Variants in ERP44 observed in about 807,000 individuals in gnomAD.
The protein encoded by ERP44 is endoplasmic reticulum resident protein 44.
Under a neutral mutation model 53.4 loss-of-function variants are expected in ERP44, and 25 were observed. The ratio of observed to expected loss-of-function variants is 0.47; its 90% CI spans 0.34 to 0.65. ERP44 has a LOEUF of 0.65. Among genes scored for constraint, ERP44 ranks in the 30% least tolerant of loss-of-function variants. The probability of loss-of-function intolerance (pLI) is 0.01; values close to 1 mark genes in which losing one functional copy is unlikely to be tolerated. For synonymous variants in ERP44, 145 were observed against 161.2 expected, an observed-to-expected ratio of 0.90 and a Z score of 0.76; for missense variants, 338 against 493.2, an observed-to-expected ratio of 0.69 and a Z score of 2.98.
intron 8 of ERP44, 103 bp from the exon 9 acceptor site, chr9:100,007,792 G>T: frequency 1.4e-6 from 1 of 714,148 alleles, no homozygotes; most frequent in Non-Finnish European, 2.5e-6. Context: ...TAATGCAATA[G>T]TTGCAATATC....
At position 100,007,609 on chromosome 9, in the gene ERP44, A is replaced by G. The variant is rs1390391633; in HGVS notation, c.843T>C (p.Asn281=). The G allele has an allele frequency of 1.3e-6, 2 of 1,588,424 alleles. No individual in the cohort carries two copies. The highest frequency in any genetic ancestry group is 8.6e-7 in the Non-Finnish European group (1 of 1,156,556). Residue 281 remains asparagine (N), a synonymous_variant, in exon 9 of 12, where the codon AAT becomes AAC. Coordinates refer to ENST00000262455, the MANE Select transcript of ERP44 (RefSeq NM_015051.3). ...EDTESLEIFQ[N]EVARQLISEK... is the part of the protein sequence containing the mutation. ...CACTTATTAATTGCCGAGCTACTTCATTCTGGAATATTTCTAAACTTTCTG... is the reference window on the plus strand; with the variant it reads ...CACTTATTAATTGCCGAGCTACTTCGTTCTGGAATATTTCTAAACTTTCTG...
At chr9:100,077,214 T>C (rs1826367576) in intron 1 of ERP44, among the ~76,000 whole-genome samples, 1 of 152,204 alleles carries the variant, frequency 6.6e-6, no homozygotes, top group Non-Finnish European at 1.5e-5. Context: ...AGGCATGCCT[T>C]ATCCACTGTC....
At chr9:100,053,418 T>C (rs902283573) in intron 3 of ERP44, among the ~76,000 whole-genome samples, 3 of 152,224 alleles carry the variant, frequency 2.0e-5, no homozygotes, top group African/African-American at 7.2e-5. Flanking sequence ...TACAGTCATG[T>C]GGTGTTTAAC....
Position 99,998,829 on chromosome 9 carries a change from T to A in ERP44, c.1016+7677A>T, listed in dbSNP as rs1830344019. On this transcript the variant is annotated intron_variant, in intron 10 of 11. Coordinates refer to ENST00000262455, the MANE Select transcript of ERP44 (RefSeq NM_015051.3). ...ATTCTCTGCTTTTCTAATTTTCTATTTTTAATATATTCCAAAATAGGTGTA... is the reference window on the plus strand; with the variant it reads ...ATTCTCTGCTTTTCTAATTTTCTATATTTAATATATTCCAAAATAGGTGTA... 31 of 1,194,768 alleles carry A rather than the reference T, an allele frequency of 2.6e-5. No individual in the cohort carries two copies. The South Asian group carries it at 4.1e-4, about 16-fold the overall frequency. 74.0% of individuals were successfully genotyped at this position (1,194,768 alleles called of 1,614,324 possible).
intron 1 of ERP44, among the ~76,000 whole-genome samples, chr9:100,092,640 A>C (rs571153855): frequency 6.6e-6 from 1 of 152,252 alleles, no homozygotes; most frequent in Non-Finnish European, 1.5e-5. Flanking sequence ...TTGTGAGTAC[A>C]TTCATTCTGA....
intron 4 of ERP44, among the ~76,000 whole-genome samples, chr9:100,031,184 G>A (rs1426787545): frequency 1.2e-5 from 1 of 83,844 alleles, no homozygotes; most frequent in Non-Finnish European, 2.1e-5. Context: ...TTTGCTGCAA[G>A]TACCTGAAAA....
intron 1 of ERP44, among the ~76,000 whole-genome samples, chr9:100,062,123 C>T (rs1475081749): frequency 1.3e-5 from 2 of 152,138 alleles, no homozygotes; most frequent in Non-Finnish European, 2.9e-5. Flanking sequence ...CTAACAGTTT[C>T]CCCAGTTTAT....
At chr9:100,030,082 G>GT (rs1825765116) in intron 4 of ERP44, among the ~76,000 whole-genome samples, 1 of 152,090 alleles carries the variant, frequency 6.6e-6, no homozygotes, top group Non-Finnish European at 1.5e-5. Context: ...GCGAGACTCA[G>GT]TCTCAAAAAC....
intron 4 of ERP44, among the ~76,000 whole-genome samples, chr9:100,030,023 G>C (rs1417386176): frequency 6.6e-6 from 1 of 152,178 alleles, no homozygotes; most frequent in Non-Finnish European, 1.5e-5. Flanking sequence ...AGAAGGCAGA[G>C]GTTGCAGTAA....
At chr9:99,984,152 TCA>T (rs1830175379) in intron 11 of ERP44, among the ~76,000 whole-genome samples, 1 of 152,194 alleles carries the variant, frequency 6.6e-6, no homozygotes, top group African/African-American at 2.4e-5. Flanking sequence ...GAACCTAATC[TCA>T]CTCTTAAATA....
chr9:100,094,597 G>T (rs1206583292), intron 1 of ERP44, among the ~76,000 whole-genome samples: 2 of 152,026 alleles, frequency 1.3e-5, no homozygotes, highest in African/African-American at 2.4e-5. Context: ...GACAGAGGTT[G>T]CAATGAGTCA....
At chr9:100,026,163 G>A (rs1830649160) in intron 4 of ERP44, among the ~76,000 whole-genome samples, 1 of 152,204 alleles carries the variant, frequency 6.6e-6, no homozygotes, top group Admixed American at 6.5e-5. Context: ...CAAGAGAAAT[G>A]TCTCCAGAGG....
intron 1 of ERP44, among the ~76,000 whole-genome samples, chr9:100,095,348 G>T (rs1826614121): frequency 6.6e-6 from 1 of 152,120 alleles, no homozygotes; most frequent in Non-Finnish European, 1.5e-5. Context: ...ATGAGATGGA[G>T]AGAGAACCTA....
chr9:99,989,045 G>T (rs1352826416), intron 10 of ERP44, among the ~76,000 whole-genome samples: 2 of 152,178 alleles, frequency 1.3e-5, no homozygotes, highest in Non-Finnish European at 2.9e-5. Context: ...TCTCGAACTG[G>T]GTGGAGCCCA....
chr9:100,059,787 A>G (rs183205836), intron 2 of ERP44, among the ~76,000 whole-genome samples: 69 of 152,320 alleles, frequency 4.5e-4, no homozygotes, highest in South Asian at 1.7e-3. Flanking sequence ...GGAAAAAAGA[A>G]AAAAAAGTCT....
intron 6 of ERP44, among the ~76,000 whole-genome samples, chr9:100,018,741 T>A (rs985911361): frequency 6.6e-6 from 1 of 152,206 alleles, no homozygotes; most frequent in Non-Finnish European, 1.5e-5. Flanking sequence ...CACACAGAAG[T>A]TGCTTAATAA....
intron 1 of ERP44, among the ~76,000 whole-genome samples, chr9:100,063,425 A>T (rs1373278643): frequency 6.6e-6 from 1 of 152,056 alleles, no homozygotes; most frequent in Non-Finnish European, 1.5e-5. Context: ...TGTTTATTTG[A>T]ACTGTTAGTA....
chr9:100,012,228 T>C (rs977652406), intron 8 of ERP44, among the ~76,000 whole-genome samples: 3 of 152,202 alleles, frequency 2.0e-5, no homozygotes, highest in Admixed American at 1.3e-4. Context: ...AAATATGGCA[T>C]TGCATTAAGA....
chr9:100,072,165 C>T (rs937695625), intron 1 of ERP44, among the ~76,000 whole-genome samples: 1 of 152,126 alleles, frequency 6.6e-6, no homozygotes, highest in Non-Finnish European at 1.5e-5. Flanking sequence ...GTGACAGTCT[C>T]AAAGCTTTCT....
Sources: allele counts gnomAD v4.1 joint callset (sites outside exome capture counted in the v4.1 genomes callset), GRCh38; gene constraint gnomAD v4.1.1; transcripts MANE v1.5; gene names NCBI Gene and HGNC (gene_info 2026-07-23, HGNC 2026-07-21).